ABCA8: variants seen among roughly 807,000 people sequenced by gnomAD.
ABCA8 encodes ATP binding cassette subfamily A member 8.
A neutral mutation model predicts 192.3 loss-of-function variants in ABCA8; 177 were observed. That is an observed-to-expected ratio of 0.92 (90% CI 0.81 to 1.04). ABCA8 has a LOEUF of 1.04. ABCA8 is among the 50% of genes least tolerant of loss of function. The pLI is 0.00. For synonymous variants in ABCA8, 642 were observed against 690.2 expected (o/e 0.93, Z 1.09); for missense variants, 1,915 against 1,904.8 (o/e 1.01, Z -0.10).
intron 2 of ABCA8, among the ~76,000 whole-genome samples, chr17:68,943,994 G>GTT (rs1488217118): frequency 6.6e-6 from 1 of 151,966 alleles, no homozygotes; most frequent in Non-Finnish European, 1.5e-5. Context: ...ATGAGATCGT[G>GTT]TCCTTTGCAG....
chr17:68,903,169 C>G (rs1170232961), intron 20 of ABCA8, 132 bp downstream of exon 20: 1 of 973,042 alleles, frequency 1.0e-6, no homozygotes, highest in African/African-American at 1.6e-5. Flanking sequence ...TGTGCTTCTT[C>G]CACTGTGATG....
chr17:68,892,722 G>T (rs1173631194), intron 23 of ABCA8, among the ~76,000 whole-genome samples: 1 of 152,104 alleles, frequency 6.6e-6, no homozygotes, highest in Non-Finnish European at 1.5e-5. Flanking sequence ...AATACTTGGT[G>T]GGTCCCTAAA....
At chr17:68,947,958 A>G (rs535412964) in intron 2 of ABCA8, among the ~76,000 whole-genome samples, 2 of 152,080 alleles carry the variant, frequency 1.3e-5, no homozygotes, top group Admixed American at 1.3e-4. Context: ...ATGTGTTCTC[A>G]TTGTTCAACT....
At chr17:68,884,993 A>G (rs1047739261) in intron 27 of ABCA8, 1 of 621,138 alleles carries the variant, frequency 1.6e-6, no homozygotes, top group African/African-American at 2.0e-5. Flanking sequence ...TCCTTCCCAT[A>G]TATTAATCAG....
chr17:68,930,492 TA>T lies in ABCA8; in HGVS notation c.798-791del, dbSNP rs1273691713. ...GTTTTACAATATTCTTTGAAAACTA[TA>T]ATGAAATAATAATTTTAAAAAACAA... On this transcript the variant is annotated intron_variant, in intron 7 of 39. Coordinates refer to ENST00000586539, the MANE Select transcript of ABCA8 (RefSeq NM_001288985.2). Among the ~76,000 whole-genome samples, 7 of 152,314 alleles carry T rather than the reference TA, an allele frequency of 4.6e-5. No individual in the cohort carries two copies. In the East Asian group the frequency reaches 1.3e-3, roughly 29 times the overall value.
chr17:68,913,774 T>C (rs1395396825), intron 17 of ABCA8, among the ~76,000 whole-genome samples: 1 of 152,044 alleles, frequency 6.6e-6, no homozygotes, highest in Non-Finnish European at 1.5e-5. Flanking sequence ...ACTGCTGAAT[T>C]CTACCAAATA....
intron 5 of ABCA8, 48 bp downstream of exon 5, chr17:68,936,903 G>A (rs1278351547): frequency 6.8e-7 from 1 of 1,466,230 alleles, no homozygotes; most frequent in East Asian, 2.4e-5. Context: ...CATGACTTAT[G>A]ACATAATTGA....
intron 10 of ABCA8, among the ~76,000 whole-genome samples, chr17:68,926,829 C>G (rs2067714661): frequency 1.3e-5 from 2 of 152,178 alleles, no homozygotes; most frequent in African/African-American, 2.4e-5. Flanking sequence ...TCCTGCTCAC[C>G]CTTTCCCCTT....
intron 21 of ABCA8, among the ~76,000 whole-genome samples, chr17:68,896,799 T>TA (rs1489892551): frequency 6.6e-6 from 1 of 152,046 alleles, no homozygotes; most frequent in Non-Finnish European, 1.5e-5. Context: ...AAGGAAACAA[T>TA]AAAAAAATTG....
chr17:68,904,813 C>T (rs1174558491), intron 19 of ABCA8, among the ~76,000 whole-genome samples: 1 of 152,136 alleles, frequency 6.6e-6, no homozygotes, highest in African/African-American at 2.4e-5. Context: ...CATCAGGGTT[C>T]ATGGGTCTTT....
chr17:68,875,888 G>A (rs1330235566), intron 35 of ABCA8, among the ~76,000 whole-genome samples, 155 bp from the exon 36 acceptor site: 1 of 152,220 alleles, frequency 6.6e-6, no homozygotes, highest in Non-Finnish European at 1.5e-5. Flanking sequence ...GATGAGGAAG[G>A]ACAAGCTAGG....
intron 2 of ABCA8, among the ~76,000 whole-genome samples, chr17:68,948,541 T>G (rs989303070): frequency 9.2e-5 from 14 of 152,240 alleles, no homozygotes; most frequent in African/African-American, 3.1e-4. Flanking sequence ...CATAAATGTC[T>G]TCTTTTGAGA....
rs1014021420 is a variant in ABCA8 at position 68,894,228 on chromosome 17, A to C, written c.2981T>G (p.Leu994Arg). 1 of 1,613,426 alleles carries C rather than the reference A, an allele frequency of 6.2e-7. No homozygotes were observed. Among genetic ancestry groups the C allele is most frequent in the Non-Finnish European group, 8.5e-7 (1 of 1,179,746 alleles). Residue 994 changes from leucine (L) to arginine (R), a missense_variant, in exon 23 of 40, where the codon CTT (leucine) becomes CGT (arginine). By Grantham distance (102) the Leu-to-Arg change is moderately radical (BLOSUM62 -2). Transcript: ENST00000586539. ...ATGTACTGATGGTTTAACCATTCCA[A>C]GTAGCCCATTACTAACAATGTCCAT... ...VLMDIVSNGL[L>R]GMVKPSVHIR...
intron 11 of ABCA8, 33 bp from the exon 12 acceptor site, chr17:68,922,333 A>C (rs369658360): frequency 3.2e-5 from 42 of 1,307,670 alleles, no homozygotes; most frequent in Non-Finnish European, 4.3e-5. Context: ...CAAAGTGACA[A>C]TTTTCTTCAG....
At chr17:68,875,864 A>G in intron 35 of ABCA8, 131 bp from the exon 36 acceptor site, 1 of 1,069,062 alleles carries the variant, frequency 9.4e-7, no homozygotes, top group African/African-American at 1.6e-5. Flanking sequence ...GAGGGTTCTT[A>G]ATAGGGCAGG....
chr17:68,897,915 A>G (rs1165203660), intron 21 of ABCA8, among the ~76,000 whole-genome samples: 2 of 152,184 alleles, frequency 1.3e-5, no homozygotes, highest in Non-Finnish European at 2.9e-5. Flanking sequence ...GGAGAGAGAT[A>G]AAAGAAGAGA....
In ABCA8 at chr17:68,949,461, TGCTA is replaced by T. The variant is rs1233954176; in HGVS notation, c.-159_-156del. 1 of 152,194 alleles carries T rather than the reference TGCTA, an allele frequency of 6.6e-6. No homozygotes were observed. Among genetic ancestry groups the T allele is most frequent in the Non-Finnish European group, 1.5e-5 (1 of 68,036 alleles). The allele number at this position is 152,194 out of a possible 1,614,324, so 9.4% of individuals were successfully genotyped here. ...TCACATTATGAGGCCAACATCATCC[TGCTA>T]CCAAAACCTGGCAGAGACACAACAA... On this transcript the variant is annotated 5_prime_UTR_variant, in exon 2 of 40. Transcript: ENST00000586539.
At chr17:68,883,583 T>C (rs1244806844) in intron 29 of ABCA8, among the ~76,000 whole-genome samples, 3 of 152,212 alleles carry the variant, frequency 2.0e-5, no homozygotes, top group African/African-American at 7.2e-5. Flanking sequence ...AGAGCCTTAA[T>C]ACTCCATGTT....
chr17:68,945,766 G>A (rs923115689), intron 2 of ABCA8, among the ~76,000 whole-genome samples: 3 of 151,668 alleles, frequency 2.0e-5, no homozygotes, highest in Admixed American at 6.6e-5. Context: ...CTTCTCTCTC[G>A]AATAGCAGAT....
Sources: allele counts gnomAD v4.1 joint callset (sites outside exome capture counted in the v4.1 genomes callset), GRCh38; gene constraint gnomAD v4.1.1; transcripts MANE v1.5; gene names NCBI Gene and HGNC (gene_info 2026-07-23, HGNC 2026-07-21).